AFG2A: variants seen among roughly 807,000 people sequenced by gnomAD.
AFG2A encodes the protein AAA ATPase AFG2A, also known as ATPase family gene 2 protein homolog A.
chr4:123,024,988 C>T, the AFG2A span, among the ~76,000 whole-genome samples: 5 of 151,964 alleles, frequency 3.3e-5, no homozygotes, highest in African/African-American at 9.7e-5. Context: ...AGCTAGGGGA[C>T]GGGGAATGCG....
At chr4:123,048,237 G>C in the AFG2A span, among the ~76,000 whole-genome samples, 140 of 152,214 alleles carry the variant, frequency 9.2e-4, no homozygotes, top group Middle Eastern at 3.4e-3. Flanking sequence ...TTTTATGCCA[G>C]TACCATGCTG....
the AFG2A span, among the ~76,000 whole-genome samples, chr4:123,306,619 G>A: frequency 6.6e-6 from 1 of 150,878 alleles, no homozygotes; most frequent in Non-Finnish European, 1.5e-5. Flanking sequence ...GCAATGTCAC[G>A]ATCTTGGCTC....
the AFG2A span, among the ~76,000 whole-genome samples, chr4:123,113,175 G>C: frequency 6.6e-6 from 1 of 152,098 alleles, no homozygotes; most frequent in African/African-American, 2.4e-5. Flanking sequence ...TTTTGAGTTT[G>C]ACTTAATATA....
chr4:122,962,182 G>A, the AFG2A span, among the ~76,000 whole-genome samples: 2 of 152,162 alleles, frequency 1.3e-5, no homozygotes, highest in Admixed American at 1.3e-4. Flanking sequence ...ATGCTTGCTC[G>A]CCTGCTGCCC....
the AFG2A span, among the ~76,000 whole-genome samples, chr4:123,252,905 C>G: frequency 6.6e-6 from 1 of 152,192 alleles, no homozygotes; most frequent in East Asian, 1.9e-4. Context: ...TTCTATTTGA[C>G]TCAGCATGAT....
chr4:123,034,642 A>G, the AFG2A span, among the ~76,000 whole-genome samples: 3 of 151,958 alleles, frequency 2.0e-5, no homozygotes, highest in African/African-American at 4.8e-5. Flanking sequence ...TTTAATAATA[A>G]TATCTCAATC....
chr4:123,074,881 A>C, the AFG2A span, among the ~76,000 whole-genome samples: 1 of 152,188 alleles, frequency 6.6e-6, no homozygotes, highest in Non-Finnish European at 1.5e-5. Context: ...GAATGGGATG[A>C]ATAGAGATGT....
At chr4:122,991,277 A>T in the AFG2A span, among the ~76,000 whole-genome samples, 1 of 152,184 alleles carries the variant, frequency 6.6e-6, no homozygotes, top group Non-Finnish European at 1.5e-5. Flanking sequence ...AGCAATCATG[A>T]TGCACACAGG....
At chr4:123,111,080 G>GC in the AFG2A span, among the ~76,000 whole-genome samples, 1,640 of 152,262 alleles carry the variant, frequency 0.011, 35 homozygotes, top group South Asian at 0.096. Context: ...AAAGGAGATG[G>GC]CTTGCTGATT....
At chr4:123,114,223 G>A in the AFG2A span, among the ~76,000 whole-genome samples, 1 of 152,124 alleles carries the variant, frequency 6.6e-6, no homozygotes, top group Non-Finnish European at 1.5e-5. Flanking sequence ...CCATGGGCCT[G>A]CGGTAAAGGC....
the AFG2A span, among the ~76,000 whole-genome samples, chr4:123,151,778 G>A: frequency 6.6e-6 from 1 of 151,982 alleles, no homozygotes; most frequent in South Asian, 2.1e-4. Context: ...TCCATTACTG[G>A]GTATATACCC....
the AFG2A span, among the ~76,000 whole-genome samples, chr4:122,955,062 T>G: frequency 1.3e-5 from 2 of 152,138 alleles, no homozygotes. Context: ...CCGTGTTAAC[T>G]TCTGTAAGGA....
chr4:123,115,430 C>T, the AFG2A span, among the ~76,000 whole-genome samples: 1 of 152,042 alleles, frequency 6.6e-6, no homozygotes, highest in African/African-American at 2.4e-5. Flanking sequence ...CTTGCCAGGT[C>T]TGGGAAGCGG....
At chr4:123,081,234 T>A in the AFG2A span, among the ~76,000 whole-genome samples, 1 of 152,224 alleles carries the variant, frequency 6.6e-6, no homozygotes, top group East Asian at 1.9e-4. Context: ...TCCACTGCAT[T>A]AAAAATCCTT....
At chr4:123,008,576 C>A in the AFG2A span, among the ~76,000 whole-genome samples, 2 of 152,314 alleles carry the variant, frequency 1.3e-5, no homozygotes, top group Non-Finnish European at 1.5e-5. Context: ...GACATATTCA[C>A]ATGTCCCGTG....
At chr4:123,276,599 G>A in the AFG2A span, among the ~76,000 whole-genome samples, 1 of 152,032 alleles carries the variant, frequency 6.6e-6, no homozygotes, top group Non-Finnish European at 1.5e-5. Context: ...ATCTTCCAGG[G>A]ATTTTATAGG....
the AFG2A span, among the ~76,000 whole-genome samples, chr4:122,971,941 G>A: frequency 6.6e-6 from 1 of 151,946 alleles, no homozygotes; most frequent in Non-Finnish European, 1.5e-5. Flanking sequence ...TAAGATATTT[G>A]CACCTATGTT....
the AFG2A span, among the ~76,000 whole-genome samples, chr4:123,306,886 T>A: frequency 6.6e-6 from 1 of 152,202 alleles, no homozygotes. Context: ...TTGCTGGTAG[T>A]TGGCTAGTAA....
chr4:123,081,800 G>T, the AFG2A span, among the ~76,000 whole-genome samples: 5 of 152,238 alleles, frequency 3.3e-5, no homozygotes, highest in Non-Finnish European at 7.4e-5. Context: ...AGCTTCATCA[G>T]CCTTTGGTGT....
Sources: allele counts gnomAD v4.1 joint callset (sites outside exome capture counted in the v4.1 genomes callset), GRCh38; gene constraint gnomAD v4.1.1; transcripts MANE v1.5; gene names NCBI Gene and HGNC (gene_info 2026-07-23, HGNC 2026-07-21).